The following DYNC1I1 variants were observed in gnomAD, a reference collection of about 807,000 sequenced individuals.
DYNC1I1 encodes the protein dynein cytoplasmic 1 intermediate chain 1, also known as cytoplasmic dynein 1 intermediate chain 1.
Under a neutral mutation model 86.6 loss-of-function variants are expected in DYNC1I1, and 43 were observed. The ratio of observed to expected loss-of-function variants is 0.50; its 90% CI spans 0.39 to 0.64. DYNC1I1 has a LOEUF of 0.64. DYNC1I1 is among the 30% of genes least tolerant of loss of function. The pLI is 0.00. For missense variants in DYNC1I1, 604 were observed against 788.8 expected (o/e 0.77, Z 2.81); for synonymous variants, 262 against 283.7 (o/e 0.92, Z 0.77).
chr7:95,791,837 T>C lies in DYNC1I1; in HGVS notation c.-9-12884T>C, dbSNP rs1794310989. Among the ~76,000 whole-genome samples the C allele has an allele frequency of 2.0e-5, 3 of 152,306 alleles. No homozygotes were observed. In the South Asian group the frequency reaches 6.2e-4, roughly 32 times the overall value. On this transcript the variant is annotated intron_variant, in intron 1 of 16. Coordinates refer to ENST00000447467, the MANE Select transcript of DYNC1I1 (RefSeq NM_001135556.2). ...AGATAGTTGAATGGATGAGACAATGTTAGGAGTATGTGTTTGTTGCACATT... is the reference window on the plus strand; with the variant it reads ...AGATAGTTGAATGGATGAGACAATGCTAGGAGTATGTGTTTGTTGCACATT...
chr7:96,041,728 G>A (rs963685436), intron 14 of DYNC1I1, among the ~76,000 whole-genome samples: 5 of 152,082 alleles, frequency 3.3e-5, no homozygotes, highest in African/African-American at 9.7e-5. Flanking sequence ...GTGGAGAGAA[G>A]TGCAAATAGT....
chr7:96,011,800 T>A (rs747070910), intron 10 of DYNC1I1, among the ~76,000 whole-genome samples: 8 of 152,216 alleles, frequency 5.3e-5, no homozygotes, highest in Non-Finnish European at 1.2e-4. Flanking sequence ...TTGACACCAG[T>A]TATATATATG....
chr7:95,833,277 T>G (rs2115957691), intron 5 of DYNC1I1, among the ~76,000 whole-genome samples: 1 of 145,926 alleles, frequency 6.9e-6, no homozygotes, highest in African/African-American at 2.5e-5. Flanking sequence ...ATCAGATAGT[T>G]GTAGATATGC....
At chr7:96,026,435 G>GT (rs200141345) in intron 10 of DYNC1I1, among the ~76,000 whole-genome samples, 5,415 of 151,586 alleles carry the variant, frequency 0.036, 113 homozygotes, top group South Asian at 0.064. Flanking sequence ...TTTTTTTGGG[G>GT]TTTTTTTGTT....
At chr7:95,984,714 G>A (rs1171727295) in intron 7 of DYNC1I1, 101 bp from the exon 8 acceptor site, 1 of 1,168,996 alleles carries the variant, frequency 8.6e-7, no homozygotes, top group East Asian at 2.7e-5. Flanking sequence ...CCACTCGTTT[G>A]ATAAGCAGTC....
At chr7:96,055,083 G>A (rs1789531330) in intron 14 of DYNC1I1, among the ~76,000 whole-genome samples, 1 of 152,122 alleles carries the variant, frequency 6.6e-6, no homozygotes. Context: ...TTCCTCTAGG[G>A]TTTTTATGGT....
intron 6 of DYNC1I1, among the ~76,000 whole-genome samples, chr7:95,885,892 T>C (rs1245908455): frequency 6.6e-6 from 1 of 152,234 alleles, no homozygotes; most frequent in Admixed American, 6.5e-5. Flanking sequence ...AACATTTTTA[T>C]TCCTTGCACT....
At chr7:96,023,453 T>C (rs1320856732) in intron 10 of DYNC1I1, among the ~76,000 whole-genome samples, 2 of 152,114 alleles carry the variant, frequency 1.3e-5, no homozygotes, top group African/African-American at 2.4e-5. Flanking sequence ...ACCCTGGGCA[T>C]CTGGGTCTGT....
chr7:95,973,571 G>A (rs1793229874), intron 6 of DYNC1I1, among the ~76,000 whole-genome samples: 1 of 152,134 alleles, frequency 6.6e-6, no homozygotes, highest in Admixed American at 6.5e-5. Flanking sequence ...CTCTGGGGAA[G>A]CATTTTCCAT....
intron 10 of DYNC1I1, 73 bp downstream of exon 10, chr7:95,996,146 G>T: frequency 6.3e-7 from 1 of 1,586,678 alleles, no homozygotes. Flanking sequence ...CATTGCATCT[G>T]TCTTATGCTG....
chr7:96,080,083 T>C (rs1411654485), intron 15 of DYNC1I1, among the ~76,000 whole-genome samples: 1 of 152,150 alleles, frequency 6.6e-6, no homozygotes, highest in Admixed American at 6.5e-5. Context: ...CTTGTCATAA[T>C]CCAAAGAAAT....
intron 14 of DYNC1I1, among the ~76,000 whole-genome samples, chr7:96,054,164 G>A (rs776521377): frequency 6.6e-6 from 1 of 152,148 alleles, no homozygotes; most frequent in Non-Finnish European, 1.5e-5. Flanking sequence ...AGGCCCTGGT[G>A]TGTGATGTTC....
At chr7:96,042,398 C>A (rs1789077232) in intron 14 of DYNC1I1, among the ~76,000 whole-genome samples, 2 of 152,102 alleles carry the variant, frequency 1.3e-5, no homozygotes, top group Admixed American at 1.3e-4. Context: ...GAACGGTGAC[C>A]AATTCAATAG....
chr7:95,806,938 T>C (rs900220729), intron 2 of DYNC1I1, among the ~76,000 whole-genome samples: 4 of 152,170 alleles, frequency 2.6e-5, no homozygotes, highest in African/African-American at 9.6e-5. Context: ...CTGGGAAACC[T>C]GGATCTGCCC....
intron 5 of DYNC1I1, among the ~76,000 whole-genome samples, chr7:95,860,851 C>T (rs189754225): frequency 3.3e-4 from 50 of 152,266 alleles, no homozygotes; most frequent in Non-Finnish European, 6.5e-4. Flanking sequence ...GTAGCCCTTT[C>T]ATTAGGCATT....
chr7:96,040,660 G>A (rs1373004361), intron 14 of DYNC1I1, among the ~76,000 whole-genome samples: 2 of 151,942 alleles, frequency 1.3e-5, no homozygotes, highest in Non-Finnish European at 2.9e-5. Context: ...GAAGAAGAGA[G>A]AGCCCTCCAA....
intron 16 of DYNC1I1, among the ~76,000 whole-genome samples, chr7:96,084,297 A>C (rs1046800864): frequency 2.1e-5 from 3 of 139,722 alleles, no homozygotes; most frequent in Non-Finnish European, 4.6e-5. Flanking sequence ...GTTACTCTTA[A>C]TGCCACTCAT....
At chr7:96,049,025 C>T (rs1450824330) in intron 14 of DYNC1I1, among the ~76,000 whole-genome samples, 4 of 151,918 alleles carry the variant, frequency 2.6e-5, no homozygotes, top group Admixed American at 1.3e-4. Context: ...TTTGAGAGGC[C>T]GAGGCAGGCA....
chr7:95,802,284 T>C (rs866716975), intron 1 of DYNC1I1, among the ~76,000 whole-genome samples: 1 of 152,168 alleles, frequency 6.6e-6, no homozygotes, highest in African/African-American at 2.4e-5. Context: ...TACTGGACCT[T>C]CCTTTTTTGC....
Sources: gnomAD v4.1 joint callset for allele counts (sites outside exome capture counted in the v4.1 genomes callset) on GRCh38, gnomAD v4.1.1 for gene constraint, MANE v1.5 for transcripts, NCBI Gene and HGNC (gene_info 2026-07-23, HGNC 2026-07-21) for gene names.